CYTH1: variants seen among roughly 807,000 people sequenced by gnomAD.
CYTH1 encodes the protein cytohesin-1.
Under a neutral mutation model 61.8 loss-of-function variants are expected in CYTH1, and 18 were observed. The observed-to-expected ratio is 0.29, with a 90% CI of 0.20 to 0.43. The LOEUF is 0.43. CYTH1 is among the 20% of genes least tolerant of loss of function. The pLI, the probability that CYTH1 is intolerant of heterozygous loss-of-function variation, is 1.00. For synonymous variants in CYTH1, 174 were observed against 184.3 expected, an observed-to-expected ratio of 0.94 and a Z score of 0.45; for missense variants, 336 against 510.5, an observed-to-expected ratio of 0.66 and a Z score of 3.29.
At chr17:78,733,076 CAAAAAAAAAAAAAA>C (rs56020680) in intron 1 of CYTH1, among the ~76,000 whole-genome samples, 36 of 47,732 alleles carry the variant, frequency 7.5e-4, no homozygotes, top group South Asian at 2.7e-3. Flanking sequence ...GACTCCATCT[CAAAAAAAAAAAAAA>C]AAAAAAAAAA....
chr17:78,692,794 A>G (rs921852143), intron 10 of CYTH1, among the ~76,000 whole-genome samples: 12 of 151,936 alleles, frequency 7.9e-5, no homozygotes, highest in Non-Finnish European at 1.8e-4. Flanking sequence ...AATGACATAC[A>G]ATGCAAATTT....
At chr17:78,731,575 C>T (rs1313784072) in intron 1 of CYTH1, among the ~76,000 whole-genome samples, 5 of 151,820 alleles carry the variant, frequency 3.3e-5, no homozygotes, top group Non-Finnish European at 5.9e-5. Flanking sequence ...CTAGCTAACA[C>T]GGTGAAACCC....
intron 11 of CYTH1, among the ~76,000 whole-genome samples, chr17:78,683,339 C>A (rs2092783285): frequency 6.6e-6 from 1 of 152,180 alleles, no homozygotes; most frequent in South Asian, 2.1e-4. Context: ...GCAGGAATTC[C>A]TCAGGTATCT....
chr17:78,699,436 C>T (rs952269143), intron 7 of CYTH1, among the ~76,000 whole-genome samples: 2 of 151,746 alleles, frequency 1.3e-5, no homozygotes, highest in African/African-American at 4.8e-5. Context: ...CCAGGGCACA[C>T]TGCTGTCTGA....
chr17:78,773,656 T>C lies in CYTH1; in HGVS notation c.22+8546A>G, dbSNP rs2093480356. On this transcript the variant is annotated intron_variant, in intron 1 of 13. Coordinates refer to ENST00000446868, the MANE Select transcript of CYTH1 (RefSeq NM_004762.6). Reference sequence around the variant, plus strand: ...AAAAAAAAAAAAAATTAAATTAAATTAAATTTTCTAAAAATCTATTTAATT... The same window carrying C: ...AAAAAAAAAAAAAATTAAATTAAATCAAATTTTCTAAAAATCTATTTAATT... Among the ~76,000 whole-genome samples, 3 of 151,956 alleles carry C rather than the reference T, an allele frequency of 2.0e-5. No homozygotes were observed. The South Asian group carries it at 6.2e-4, about 32-fold the overall frequency.
chr17:78,683,438 C>A (rs1269277249), intron 11 of CYTH1, among the ~76,000 whole-genome samples: 1 of 152,134 alleles, frequency 6.6e-6, no homozygotes, highest in Non-Finnish European at 1.5e-5. Flanking sequence ...CTACAAGGGC[C>A]CTCTCACTAG....
chr17:78,683,530 C>T (rs1399594434), intron 11 of CYTH1, among the ~76,000 whole-genome samples: 2 of 152,246 alleles, frequency 1.3e-5, no homozygotes, highest in South Asian at 2.1e-4. Context: ...CTGCAAGCTA[C>T]AGACCTGGCT....
At chr17:78,715,391 C>T (rs1354225602) in intron 1 of CYTH1, among the ~76,000 whole-genome samples, 1 of 152,168 alleles carries the variant, frequency 6.6e-6, no homozygotes, top group Non-Finnish European at 1.5e-5. Flanking sequence ...TCTGAAGAAG[C>T]TACTTCAGGA....
In CYTH1 at chr17:78,700,227, C is replaced by T. The variant is rs755007658; in HGVS notation, c.550+104G>A. On this transcript the variant is annotated intron_variant, in intron 7 of 13. Transcript: ENST00000446868. This position sits in a 1 kb window ranked among gnomAD's most constrained non-coding sequence, Gnocchi z 5.1. ...TATAACTATCATTGAGTAAACGTTCCTAGGCATGAATCTCAGCCCTTTTGT... is the reference window on the plus strand; with the variant it reads ...TATAACTATCATTGAGTAAACGTTCTTAGGCATGAATCTCAGCCCTTTTGT... The T allele has an allele frequency of 9.3e-6, 9 of 972,608 alleles. No individual in the cohort carries two copies. Among genetic ancestry groups the T allele is most frequent in the Non-Finnish European group, 1.3e-5 (9 of 671,596 alleles). 60.2% of individuals were successfully genotyped at this position (972,608 alleles called of 1,614,324 possible).
intron 1 of CYTH1, among the ~76,000 whole-genome samples, chr17:78,710,141 T>C (rs1028125533): frequency 3.9e-5 from 6 of 152,242 alleles, no homozygotes; most frequent in African/African-American, 7.2e-5. Flanking sequence ...GATGGAAAGA[T>C]GTCCATGACC....
At chr17:78,709,392 AGT>A (rs1443667611) in intron 2 of CYTH1, 7 of 459,710 alleles carry the variant, frequency 1.5e-5, no homozygotes, top group Non-Finnish European at 2.3e-5. Context: ...AGGAGACAGG[AGT>A]CTTGCAGGCT....
In CYTH1 at chr17:78,676,059, GC is replaced by G. The variant is rs1308851059; in HGVS notation, c.*31del. ...GCGGGAGAAGAGCAGGAGCTCCAAG[GC>G]CCCCGCAGACCAACGCCCTTGGCTG... On this transcript the variant is annotated 3_prime_UTR_variant, in exon 14 of 14. Coordinates refer to ENST00000446868, the MANE Select transcript of CYTH1 (RefSeq NM_004762.6). 1.9e-6 allele frequency: 3 copies of G among 1,586,286 alleles called. No homozygotes were observed. Among genetic ancestry groups the G allele is most frequent in the Non-Finnish European group, 1.7e-6 (2 of 1,165,852 alleles).
chr17:78,737,079 A>G (rs9904894), intron 1 of CYTH1: 8,803 of 152,480 alleles, frequency 0.058, 470 homozygotes, highest in South Asian at 0.15. Flanking sequence ...TCTTTTCTCA[A>G]ACTCAACCAA....
At chr17:78,741,042 A>G (rs2093340006) in intron 1 of CYTH1, among the ~76,000 whole-genome samples, 1 of 152,244 alleles carries the variant, frequency 6.6e-6, no homozygotes, top group Non-Finnish European at 1.5e-5. Flanking sequence ...CCCTATGAAA[A>G]GCAATAAATC....
At chr17:78,676,755 G>A (rs1292398022) in intron 13 of CYTH1, 1 of 341,928 alleles carries the variant, frequency 2.9e-6, no homozygotes, top group Non-Finnish European at 5.8e-6. Context: ...GCACAGGGAG[G>A]GGGCCCGAGC....
chr17:78,676,198 G>A (rs1052551002), intron 13 of CYTH1, 29 bp from the exon 14 acceptor site: 1 of 1,583,506 alleles, frequency 6.3e-7, no homozygotes, highest in Non-Finnish European at 8.6e-7. Context: ...AGAAAACAGA[G>A]ACGTGAGGGA....
intron 1 of CYTH1, among the ~76,000 whole-genome samples, chr17:78,763,398 C>A (rs2093436405): frequency 1.3e-5 from 2 of 152,030 alleles, no homozygotes; most frequent in Non-Finnish European, 2.9e-5. Flanking sequence ...AAAGTGGATT[C>A]ACACCACAAA....
chr17:78,768,147 C>G (rs772731806), intron 1 of CYTH1, among the ~76,000 whole-genome samples: 1 of 152,102 alleles, frequency 6.6e-6, no homozygotes, highest in Non-Finnish European at 1.5e-5. Context: ...CAGAAAAATA[C>G]AAAAAGCTCT....
chr17:78,699,178 C>T (rs1393163242), intron 7 of CYTH1, among the ~76,000 whole-genome samples: 1 of 151,966 alleles, frequency 6.6e-6, no homozygotes, highest in Non-Finnish European at 1.5e-5. Flanking sequence ...TAGCCTGACC[C>T]ACATGGTGAA....
Sources: allele counts gnomAD v4.1 joint callset (sites outside exome capture counted in the v4.1 genomes callset), GRCh38; gene constraint gnomAD v4.1.1; non-coding constraint Gnocchi (gnomAD v3.1); transcripts MANE v1.5; gene names NCBI Gene and HGNC (gene_info 2026-07-23, HGNC 2026-07-21).